Variants in FSIP1 observed in about 807,000 individuals in gnomAD.
FSIP1 encodes the protein fibrous sheath-interacting protein 1.
A neutral mutation model predicts 60.9 loss-of-function variants in FSIP1; 65 were observed. That is an observed-to-expected ratio of 1.07 (90% confidence interval 0.87 to 1.31). The LOEUF is 1.31. FSIP1 is among the 40% of genes most tolerant of loss of function. FSIP1 has a pLI of 0.00. For synonymous variants in FSIP1, 209 were observed against 221.2 expected, an observed-to-expected ratio of 0.94 and a Z score of 0.49; for missense variants, 675 against 665.5, an observed-to-expected ratio of 1.01 and a Z score of -0.16.
chr15:39,641,508 A>G (rs951215184), intron 10 of FSIP1, among the ~76,000 whole-genome samples: 1 of 152,262 alleles, frequency 6.6e-6, no homozygotes, highest in Non-Finnish European at 1.5e-5. Flanking sequence ...ACTATAATTA[A>G]CAGGGTTTAT....
intron 10 of FSIP1, among the ~76,000 whole-genome samples, chr15:39,682,639 T>C (rs529553416): frequency 6.6e-6 from 1 of 152,310 alleles, no homozygotes; most frequent in African/African-American, 2.4e-5. Context: ...ATTTAGCCTC[T>C]GAGGAGGCAG....
intron 10 of FSIP1, among the ~76,000 whole-genome samples, chr15:39,637,417 CA>C (rs1326645039): frequency 1.3e-5 from 2 of 152,182 alleles, no homozygotes; most frequent in Non-Finnish European, 2.9e-5. Context: ...CAACCAAAAT[CA>C]TGCCACAGAA....
chr15:39,751,998 C>T (rs904279644), intron 5 of FSIP1, among the ~76,000 whole-genome samples: 1 of 151,838 alleles, frequency 6.6e-6, no homozygotes, highest in African/African-American at 2.4e-5. Context: ...ACCATGACCA[C>T]AATATTATGA....
At chr15:39,650,642 A>C (rs1193644023) in intron 10 of FSIP1, among the ~76,000 whole-genome samples, 1 of 152,122 alleles carries the variant, frequency 6.6e-6, no homozygotes, top group Non-Finnish European at 1.5e-5. Context: ...CTTTATGTAG[A>C]CCACCTCCCT....
intron 10 of FSIP1, among the ~76,000 whole-genome samples, chr15:39,690,297 T>A (rs1894544165): frequency 6.6e-6 from 1 of 152,140 alleles, no homozygotes; most frequent in Non-Finnish European, 1.5e-5. Flanking sequence ...TCTGGAAAGA[T>A]CATTCTTGCA....
chr15:39,610,516 A>C (rs1890988734), intron 11 of FSIP1, among the ~76,000 whole-genome samples: 1 of 152,060 alleles, frequency 6.6e-6, no homozygotes, highest in African/African-American at 2.4e-5. Flanking sequence ...AAATACAAAA[A>C]TTTGCTGGGC....
intron 1 of FSIP1, among the ~76,000 whole-genome samples, chr15:39,778,314 G>A (rs12439384): frequency 0.11 from 15,995 of 152,196 alleles, 1,293 homozygotes; most frequent in East Asian, 0.25. Context: ...TGTCAATAAA[G>A]GCACAGGCAC....
intron 10 of FSIP1, among the ~76,000 whole-genome samples, chr15:39,645,897 G>A (rs1363575077): frequency 1.3e-5 from 2 of 152,222 alleles, no homozygotes; most frequent in African/African-American, 2.4e-5. Context: ...AAGGGGGCAG[G>A]GTCCCCAGTA....
intron 1 of FSIP1, among the ~76,000 whole-genome samples, chr15:39,779,605 C>T (rs902127375): frequency 4.6e-5 from 7 of 152,164 alleles, no homozygotes; most frequent in Non-Finnish European, 1.0e-4. Flanking sequence ...TTCACCAGTA[C>T]ATAATGAGCA....
intron 10 of FSIP1, among the ~76,000 whole-genome samples, chr15:39,660,961 G>T (rs761512754): frequency 6.6e-6 from 1 of 152,184 alleles, no homozygotes. Flanking sequence ...TACTCAGGAG[G>T]CCGAGGCAGA....
chr15:39,778,511 G>A (rs552096212), intron 1 of FSIP1, among the ~76,000 whole-genome samples: 26 of 152,286 alleles, frequency 1.7e-4, no homozygotes, highest in African/African-American at 6.3e-4. Flanking sequence ...AAAGGTATTG[G>A]TAAAGGGTAT....
chr15:39,716,855 G>GC (rs555173856), intron 9 of FSIP1, among the ~76,000 whole-genome samples: 2,465 of 119,730 alleles, frequency 0.021, 71 homozygotes, highest in African/African-American at 0.072. Flanking sequence ...TCGCTCTGTT[G>GC]CCAGGCTGGA....
At chr15:39,675,381 C>A (rs1180649631) in intron 10 of FSIP1, among the ~76,000 whole-genome samples, 1 of 152,072 alleles carries the variant, frequency 6.6e-6, no homozygotes, top group African/African-American at 2.4e-5. Flanking sequence ...ACATGTAGAG[C>A]AGATAACATG....
chr15:39,663,036 T>C (rs573979629), intron 10 of FSIP1, among the ~76,000 whole-genome samples: 5 of 152,292 alleles, frequency 3.3e-5, no homozygotes, highest in African/African-American at 9.6e-5. Flanking sequence ...CTTCCTTGTT[T>C]AAAATTTTCT....
chr15:39,776,866 G>A (rs1461501814), intron 1 of FSIP1, among the ~76,000 whole-genome samples: 1 of 152,096 alleles, frequency 6.6e-6, no homozygotes, highest in Non-Finnish European at 1.5e-5. Context: ...GAACACTCAG[G>A]GGCACCCGTC....
At chr15:39,726,822 A>T in intron 8 of FSIP1, 75 bp from the exon 9 acceptor site, 3 of 1,164,774 alleles carry the variant, frequency 2.6e-6, no homozygotes, top group Non-Finnish European at 2.4e-6. Context: ...AGTGGCTATA[A>T]CAGTGCCCAG....
At chr15:39,613,185 CAATAACA>C (rs1353962887) in intron 11 of FSIP1, among the ~76,000 whole-genome samples, 2 of 151,894 alleles carry the variant, frequency 1.3e-5, no homozygotes, top group African/African-American at 4.8e-5. Flanking sequence ...GATTAGAAAG[CAATAACA>C]AATACTTTTT....
At chr15:39,641,926 T>C (rs1338650490) in intron 10 of FSIP1, among the ~76,000 whole-genome samples, 1 of 152,206 alleles carries the variant, frequency 6.6e-6, no homozygotes, top group Non-Finnish European at 1.5e-5. Flanking sequence ...TATAAAATTA[T>C]TGAGCAGTCC....
chr15:39,744,699 A>G (rs975795356), intron 5 of FSIP1, among the ~76,000 whole-genome samples: 11 of 133,710 alleles, frequency 8.2e-5, no homozygotes, highest in Non-Finnish European at 1.9e-4. Flanking sequence ...GCAGTGTGGC[A>G]TGCTTACAGG....
Sources: allele counts gnomAD v4.1 joint callset (sites outside exome capture counted in the v4.1 genomes callset), GRCh38; gene constraint gnomAD v4.1.1; transcripts MANE v1.5; gene names NCBI Gene and HGNC (gene_info 2026-07-23, HGNC 2026-07-21).